The following STXBP2 variants were observed in gnomAD, a reference collection of about 807,000 sequenced individuals.
The protein encoded by STXBP2 is syntaxin-binding protein 2.
STXBP2 carries 47 observed loss-of-function variants against 72.2 expected under a neutral mutation model. That is an observed-to-expected ratio of 0.65 (90% CI 0.51 to 0.83). STXBP2 has a LOEUF of 0.83. Among genes scored for constraint, STXBP2 ranks in the 40% least tolerant of loss-of-function variants. STXBP2 has a pLI of 0.00. For synonymous variants in STXBP2, 367 were observed against 338.7 expected (o/e 1.08, Z -0.92); for missense variants, 702 against 807.6 (o/e 0.87, Z 1.58).
Position 7,645,223 on chromosome 19 carries a change from C to T in STXBP2, c.1273C>T (p.Leu425=), listed in dbSNP as rs766203399. 44 of 1,570,366 alleles carry T rather than the reference C, an allele frequency of 2.8e-5. No individual in the cohort carries two copies. Among genetic ancestry groups the T allele is most frequent in the Non-Finnish European group, 3.6e-5 (42 of 1,156,632 alleles). The part of the protein sequence containing the change: ...NGVSEENLAK[L]IQHANVQAHS... ...TGTGAGTGAGGAGAACCTGGCCAAG[C>T]TGATCCAGCATGCCAATGTACAGGC... is the stretch of plus-strand genomic sequence containing the variant. Residue 425 remains leucine, a synonymous_variant, in exon 15 of 19, where the codon CTG becomes TTG. Coordinates refer to ENST00000221283, the MANE Select transcript of STXBP2 (RefSeq NM_006949.4).
upstream of STXBP2, chr19:7,636,686 G>A (rs2031547058): frequency 6.3e-6 from 1 of 158,246 alleles, no homozygotes; most frequent in Non-Finnish European, 1.4e-5. Context: ...TCCATCAAAA[G>A]TTATCCAAGA....
chr19:7,638,745 T>C lies in STXBP2; in HGVS notation c.57T>C (p.Ile19=). 1 of 1,614,082 alleles carries C rather than the reference T, an allele frequency of 6.2e-7. No individual in the cohort carries two copies. The highest frequency in any genetic ancestry group is 1.1e-5 in the South Asian group (1 of 91,070). Reference sequence around the variant, plus strand: ...CTGCAGAAATTCTGAGCGGAGTTATTCGGAGTGTCAAGAAGGATGGGGAGT... The same window carrying C: ...CTGCAGAAATTCTGAGCGGAGTTATCCGGAGTGTCAAGAAGGATGGGGAGT... ...VVGEKILSGV[I]RSVKKDGEWK... Residue 19 remains isoleucine, a synonymous_variant, in exon 2 of 19, where the codon ATT becomes ATC. Transcript: ENST00000221283.
chr19:7,633,768 TC>T (rs1240909691), upstream of STXBP2: 3 of 395,772 alleles, frequency 7.6e-6, no homozygotes, highest in African/African-American at 4.1e-5. Context: ...CTGAGCAGCA[TC>T]CCCACAGTTG....
rs747099384 is a variant in STXBP2 at position 7,640,535 on chromosome 19, T to A, written c.247-196T>A. 109 of 706,878 alleles carry A rather than the reference T, an allele frequency of 1.5e-4. 1 individual carries two copies. The highest frequency in any genetic ancestry group is 1.2e-3 in the South Asian group (80 of 66,704). 43.8% of individuals were successfully genotyped at this position (706,878 alleles called of 1,614,324 possible). The stretch of plus-strand genomic sequence containing the variant: ...GTGCATGTGTGCATGCGTGTGTATG[T>A]GTGTGTGCGTGCGTGCATCTGTGTG... On this transcript the variant is annotated intron_variant, in intron 4 of 18. Transcript: ENST00000221283.
Position 7,642,246 on chromosome 19 carries a change from C to G in STXBP2, c.707C>G (p.Ala236Gly). 1 of 1,614,172 alleles carries G rather than the reference C, an allele frequency of 6.2e-7. No individual in the cohort carries two copies. The highest frequency in any genetic ancestry group is 8.5e-7 in the Non-Finnish European group (1 of 1,180,010). Residue 236 changes from alanine (A) to glycine (G), a missense_variant, in exon 9 of 19, where the codon GCA becomes GGA. Physicochemically the swap from Ala to Gly is moderately conservative, Grantham distance 60. Transcript: ENST00000221283. The surrounding 1 kb of genome is among the most constrained non-coding windows in gnomAD (Gnocchi z 6.0). Reference sequence around the variant, plus strand: ...TCCCAGCTGCTGATAATGGACCGGGCAGCTGACCCCGTGTCCCCACTACTG... The same window carrying G: ...TCCCAGCTGCTGATAATGGACCGGGGAGCTGACCCCGTGTCCCCACTACTG... ...TRSQLLIMDR[A>G]ADPVSPLLHE...
rs1161579464 is a variant in STXBP2 at position 7,642,459 on chromosome 19, G to A, written c.825G>A (p.Arg275=). Residue 275 remains arginine (R), a synonymous_variant, in exon 10 of 19, where the codon CGG becomes CGA. Transcript: ENST00000221283. This position sits in a 1 kb window ranked among gnomAD's most constrained non-coding sequence, Gnocchi z 6.0. ...AGACCACCGGGCTGAGCGAGGCGCG[G>A]GAGAAGGCCGTCTTGCTGGACGAGG... ...RYETTGLSEA[R]EKAVLLDEDD... The A allele has an allele frequency of 1.9e-6, 3 of 1,613,914 alleles. No homozygotes were observed. Among genetic ancestry groups the A allele is most frequent in the Non-Finnish European group, 2.5e-6 (3 of 1,180,044 alleles).
Position 7,642,838 on chromosome 19 carries a change from A to G in STXBP2, c.960+15A>G, listed in dbSNP as rs766105847. On this transcript the variant is annotated intron_variant, in intron 11 of 18. Transcript: ENST00000221283. This position sits in a 1 kb window ranked among gnomAD's most constrained non-coding sequence, Gnocchi z 6.0. ...CCACGGACAAGGTAGGGGCGGACCC[A>G]GGTCACCAAAGGCGCTGGTGGAAGG... is the stretch of plus-strand genomic sequence containing the variant. The G allele has an allele frequency of 6.2e-7, 1 of 1,614,062 alleles. No homozygotes were observed. Among genetic ancestry groups the G allele is most frequent in the East Asian group, 2.2e-5 (1 of 44,884 alleles).
At chr19:7,646,553 A>G (rs969643564) in intron 16 of STXBP2, 2 of 632,382 alleles carry the variant, frequency 3.2e-6, no homozygotes, top group Middle Eastern at 4.2e-4. Flanking sequence ...GGGGAGCCTC[A>G]CTTCCTCCCC....
upstream of STXBP2, chr19:7,632,850 G>A: frequency 1.3e-6 from 2 of 1,542,944 alleles, no homozygotes; most frequent in Non-Finnish European, 8.7e-7. This position sits in a 1 kb window ranked among gnomAD's most constrained non-coding sequence, Gnocchi z 5.2. Flanking sequence ...GACTCGCTCA[G>A]TCTGGTTGGC....
In STXBP2 at chr19:7,642,838, A is replaced by C. The variant is rs766105847; in HGVS notation, c.960+15A>C. The C allele has an allele frequency of 6.2e-7, 1 of 1,613,944 alleles. No homozygotes were observed. The highest frequency in any genetic ancestry group is 1.3e-5 in the African/African-American group (1 of 74,890). On this transcript the variant is annotated intron_variant, in intron 11 of 18. Coordinates refer to ENST00000221283, the MANE Select transcript of STXBP2 (RefSeq NM_006949.4). The surrounding 1 kb of genome is among the most constrained non-coding windows in gnomAD (Gnocchi z 6.0). ...CCACGGACAAGGTAGGGGCGGACCC[A>C]GGTCACCAAAGGCGCTGGTGGAAGG...
chr19:7,641,714 C>G lies in STXBP2; in HGVS notation c.439C>G (p.Leu147Val). Residue 147 changes from leucine to valine, a missense_variant, in exon 7 of 19, where the codon CTC (leucine) becomes GTC (valine). By Grantham distance (32) the Leu-to-Val change is conservative (BLOSUM62 1). Coordinates refer to ENST00000221283, the MANE Select transcript of STXBP2 (RefSeq NM_006949.4). ...TCCCCTCCTCGCCCAGGTGTTCTCC[C>G]TCGATGCTCCCCACAGCACCTACAA... ...FLPYEAQVFS[L>V]DAPHSTYNLY... is the part of the protein sequence containing the mutation. 1 of 1,553,978 alleles carries G rather than the reference C, an allele frequency of 6.4e-7. No homozygotes were observed. The highest frequency in any genetic ancestry group is 8.7e-7 in the Non-Finnish European group (1 of 1,149,070).
chr19:7,647,708 C>G lies in STXBP2; in HGVS notation c.1697-17C>G. ...AGCGCCCCCCAACATCTTCCCCAAA[C>G]CTCTGCCCCTGCACAGGCTCCTCAC... On this transcript the variant is annotated splice_polypyrimidine_tract_variant and intron_variant, in intron 18 of 18. Coordinates refer to ENST00000221283, the MANE Select transcript of STXBP2 (RefSeq NM_006949.4). 6.2e-7 allele frequency: 1 copy of G among 1,613,748 alleles called. No homozygotes were observed. The highest frequency in any genetic ancestry group is 1.7e-5 in the Admixed American group (1 of 60,024).
At chr19:7,638,093 G>C (rs1401614769) in intron 1 of STXBP2, among the ~76,000 whole-genome samples, 1 of 152,220 alleles carries the variant, frequency 6.6e-6, no homozygotes, top group Non-Finnish European at 1.5e-5. Flanking sequence ...TGGGGAAGCC[G>C]AGAGCCTGGC....
At chr19:7,643,411 G>A in intron 13 of STXBP2, 166 bp downstream of exon 13, 1 of 729,238 alleles carries the variant, frequency 1.4e-6, no homozygotes, top group Non-Finnish European at 2.3e-6. Flanking sequence ...AGTGGGTCTT[G>A]TGGAGAAACG....
At chr19:7,640,662 G>C in intron 4 of STXBP2, 69 bp from the exon 5 acceptor site, 1 of 1,597,142 alleles carries the variant, frequency 6.3e-7, no homozygotes, top group South Asian at 1.1e-5. Context: ...GGGGGTGGCT[G>C]GGAGGCCTAG....
rs755758613 is a variant in STXBP2, at chr19:7,644,640, G to T, written c.1134G>T (p.Glu378Asp). The T allele has an allele frequency of 6.2e-6, 10 of 1,613,220 alleles. No homozygotes were observed. The highest frequency in any genetic ancestry group is 2.2e-5 in the East Asian group (1 of 44,888). Residue 378 changes from glutamate (E) to aspartate (D), a missense_variant, in exon 14 of 19, where the codon GAG becomes GAT. Glu to Asp is a conservative substitution (Grantham distance 45, BLOSUM62 2). Transcript: ENST00000221283. ...ACCTGGCCATGGGCTCCGACGCAGA[G>T]GGGGAGAAGATCAAGGACTCCATGA... ...EQDLAMGSDA[E>D]GEKIKDSMKL...
rs146425381 is a variant in STXBP2 at position 7,647,164 on chromosome 19, C to T, written c.1455C>T (p.Asp485=). The change falls in exon 17 of 19, where the codon GAC becomes GAT. Residue 485 remains aspartate (D), a splice_region_variant and synonymous_variant. Transcript: ENST00000221283. ...WTPVIKDVME[D]AVEDRLDRNL... is the part of the protein sequence containing the mutation. The stretch of plus-strand genomic sequence containing the variant: ...CTAACCTGCCTCTCGGCCGCCAGGA[C>T]GCCGTGGAGGACCGGCTGGACAGGA... 2,494 of 1,611,710 alleles carry T rather than the reference C, an allele frequency of 1.5e-3. 5 individuals are homozygous for T. The highest frequency in any genetic ancestry group is 1.8e-3 in the Non-Finnish European group (2,109 of 1,179,892).
At chr19:7,631,922 A>G, upstream of STXBP2, 2 of 1,096,392 alleles carry the variant, frequency 1.8e-6, no homozygotes, top group Non-Finnish European at 2.4e-6. Flanking sequence ...CATTGTGAGC[A>G]CTGGTCTATG....
chr19:7,646,590 C>T (rs2032148226), intron 16 of STXBP2: 1 of 593,136 alleles, frequency 1.7e-6, no homozygotes, highest in Non-Finnish European at 3.1e-6. Context: ...CGCTATATCT[C>T]TCTAGTCTGT....
Sources: gnomAD v4.1 joint callset for allele counts (sites outside exome capture counted in the v4.1 genomes callset) on GRCh38, gnomAD v4.1.1 for gene constraint, Gnocchi (gnomAD v3.1) non-coding constraint, MANE v1.5 for transcripts, NCBI Gene and HGNC (gene_info 2026-07-23, HGNC 2026-07-21) for gene names.